Variants in PDE7A observed in about 807,000 individuals in gnomAD.
PDE7A encodes high affinity 3',5'-cyclic-AMP phosphodiesterase 7A.
In PDE7A, 39 loss-of-function variants were observed where a neutral mutation model predicts 64.3. The observed-to-expected ratio is 0.61, with a 90% CI of 0.47 to 0.79. PDE7A has a LOEUF of 0.79. Among genes scored for constraint, PDE7A ranks in the 30% least tolerant of loss-of-function variants. The pLI, the probability that PDE7A is intolerant of heterozygous loss-of-function variation, is 0.00. For synonymous variants in PDE7A, 203 were observed against 206.8 expected (o/e 0.98, Z 0.16); for missense variants, 470 against 582.8 (o/e 0.81, Z 1.99).
intron 3 of PDE7A, among the ~76,000 whole-genome samples, chr8:65,755,125 A>T (rs1296104017): frequency 2.1e-5 from 3 of 144,480 alleles, no homozygotes; most frequent in African/African-American, 7.7e-5. Context: ...GGTTCAAGTG[A>T]TTCTCCTGCC....
intron 3 of PDE7A, among the ~76,000 whole-genome samples, chr8:65,775,554 G>C (rs984301239): frequency 6.6e-6 from 1 of 152,156 alleles, no homozygotes; most frequent in African/African-American, 2.4e-5. Context: ...AGGTGGCCAG[G>C]CCTTTTTGTT....
chr8:65,747,830 T>C (rs369297418), intron 3 of PDE7A, 27 bp from the exon 4 acceptor site: 2 of 1,528,694 alleles, frequency 1.3e-6, no homozygotes, highest in Non-Finnish European at 1.8e-6. Flanking sequence ...AAAAGGTAAG[T>C]ATAGCAAGTT....
At chr8:65,839,491 AATGAT>A (rs1378455063) in intron 1 of PDE7A, among the ~76,000 whole-genome samples, 1 of 152,110 alleles carries the variant, frequency 6.6e-6, no homozygotes, top group Non-Finnish European at 1.5e-5. Context: ...AAGTCTTGAT[AATGAT>A]AAGTATGTCC....
chr8:65,764,914 G>C (rs754519415), intron 3 of PDE7A, among the ~76,000 whole-genome samples: 3 of 152,142 alleles, frequency 2.0e-5, no homozygotes, highest in Non-Finnish European at 4.4e-5. Context: ...CAACCAGCCT[G>C]AACTTGGTTA....
intron 10 of PDE7A, 78 bp from the exon 11 acceptor site, chr8:65,724,429 T>C: frequency 1.2e-6 from 1 of 846,104 alleles, no homozygotes; most frequent in Non-Finnish European, 1.9e-6. Context: ...GTGCAAGGAC[T>C]GGATTAACCA....
Position 65,717,880 on chromosome 8 carries a change from C to T in PDE7A, c.*1410G>A, listed in dbSNP as rs979516974. The T allele has an allele frequency of 3.3e-5, 5 of 152,040 alleles. No homozygotes were observed. In the East Asian group the frequency reaches 7.7e-4, roughly 23 times the overall value. 9.4% of individuals were successfully genotyped at this position (152,040 alleles called of 1,614,324 possible). Reference sequence around the variant, plus strand: ...ATACAAATGAACTAAAAGAAAGCACCGGTTTCTCTTAAAACTAGATTACAG... The same window carrying T: ...ATACAAATGAACTAAAAGAAAGCACTGGTTTCTCTTAAAACTAGATTACAG... On this transcript the variant is annotated 3_prime_UTR_variant, in exon 13 of 13. Transcript: ENST00000401827.
chr8:65,728,360 G>A (rs1428861442), intron 7 of PDE7A: 2 of 152,088 alleles, frequency 1.3e-5, no homozygotes, highest in African/African-American at 4.8e-5. Context: ...TTCTCTGCTA[G>A]AACGAATCAA....
At chr8:65,724,653 G>A (rs1204873622) in intron 10 of PDE7A, 124 bp downstream of exon 10, 12 of 838,062 alleles carry the variant, frequency 1.4e-5, no homozygotes, top group East Asian at 2.6e-5. Context: ...GCTAATTGAA[G>A]GAAATTCTTT....
At chr8:65,739,008 T>C (rs1160234851) in intron 6 of PDE7A, among the ~76,000 whole-genome samples, 2 of 152,206 alleles carry the variant, frequency 1.3e-5, no homozygotes, top group African/African-American at 2.4e-5. Flanking sequence ...CTGTGGCCAC[T>C]TGCTGCATGC....
At chr8:65,814,135 G>GA (rs1810322044) in intron 1 of PDE7A, among the ~76,000 whole-genome samples, 1 of 152,066 alleles carries the variant, frequency 6.6e-6, no homozygotes, top group South Asian at 2.1e-4. Context: ...ATGATTAAAT[G>GA]AAAATGACCT....
chr8:65,794,293 T>A (rs989376084), intron 1 of PDE7A, among the ~76,000 whole-genome samples: 2 of 152,096 alleles, frequency 1.3e-5, no homozygotes, highest in African/African-American at 4.8e-5. Flanking sequence ...GGCTCCTCAA[T>A]GGGACAGTGC....
intron 3 of PDE7A, among the ~76,000 whole-genome samples, chr8:65,750,921 A>G (rs1158804140): frequency 1.3e-5 from 2 of 152,236 alleles, no homozygotes; most frequent in Non-Finnish European, 2.9e-5. Flanking sequence ...TCACAAGGAA[A>G]TGATCACTCA....
Position 65,798,206 on chromosome 8 carries a change from A to ATATATAT in PDE7A, c.139-15364_139-15363insATATATA. The stretch of plus-strand genomic sequence containing the variant: ...TATATATATATATATATATATATAT[A>ATATATAT]TTTTTTTTTTTTTGAGATGGAGTCT... On this transcript the variant is annotated intron_variant, in intron 1 of 12. Coordinates refer to ENST00000401827, the MANE Select transcript of PDE7A (RefSeq NM_001242318.3). Among the ~76,000 whole-genome samples the ATATATAT allele has an allele frequency of 1.9e-3, 137 of 73,798 alleles. 2 individuals carry two copies. Among genetic ancestry groups the ATATATAT allele is most frequent in the African/African-American group, 3.0e-3 (51 of 17,148 alleles). The allele number at this position is 73,798 out of a possible 152,430, so 48.4% of individuals were successfully genotyped here. A position where few individuals can be genotyped will look rare whatever the true frequency, so the allele number is the denominator to read the frequency against.
At position 65,718,266 on chromosome 8, in the gene PDE7A, C is replaced by A. The variant is rs1365375548; in HGVS notation, c.*1024G>T. ...CATGGAGAAACATAACATGCACAGT[C>A]ACACATGCACAAACATGCACGCAAA... is the stretch of plus-strand genomic sequence containing the variant. On this transcript the variant is annotated 3_prime_UTR_variant, in exon 13 of 13. Transcript: ENST00000401827. 1 of 152,282 alleles carries A rather than the reference C, an allele frequency of 6.6e-6. No homozygotes were observed. The highest frequency in any genetic ancestry group is 1.5e-5 in the Non-Finnish European group (1 of 68,044). The allele number at this position is 152,282 out of a possible 1,614,324, so 9.4% of individuals were successfully genotyped here.
At chr8:65,757,422 C>A (rs982119294) in intron 3 of PDE7A, among the ~76,000 whole-genome samples, 10 of 152,128 alleles carry the variant, frequency 6.6e-5, no homozygotes, top group African/African-American at 2.4e-4. Context: ...AATAACTAGT[C>A]CAGTCCATCA....
intron 1 of PDE7A, among the ~76,000 whole-genome samples, chr8:65,785,614 T>C (rs1272642209): frequency 6.6e-6 from 1 of 152,122 alleles, no homozygotes; most frequent in African/African-American, 2.4e-5. Context: ...ATACCACCAA[T>C]CTAGGGGTAA....
intron 1 of PDE7A, among the ~76,000 whole-genome samples, chr8:65,822,186 T>A (rs1175447823): frequency 6.6e-6 from 1 of 152,130 alleles, no homozygotes; most frequent in Non-Finnish European, 1.5e-5. Flanking sequence ...CTTTGTAAAG[T>A]CTTTAAGGGG....
chr8:65,803,998 A>G (rs1810054964), intron 1 of PDE7A, among the ~76,000 whole-genome samples: 2 of 152,182 alleles, frequency 1.3e-5, no homozygotes, highest in African/African-American at 4.8e-5. Context: ...CATTCAGTAT[A>G]CCAACATATC....
At chr8:65,795,948 G>GAA (rs58027345) in intron 1 of PDE7A, among the ~76,000 whole-genome samples, 10 of 150,600 alleles carry the variant, frequency 6.6e-5, no homozygotes, top group Admixed American at 4.0e-4. Context: ...TGTACACAAT[G>GAA]AAAAAAAAGA....
Sources: allele counts gnomAD v4.1 joint callset (sites outside exome capture counted in the v4.1 genomes callset), GRCh38; gene constraint gnomAD v4.1.1; transcripts MANE v1.5; gene names NCBI Gene and HGNC (gene_info 2026-07-23, HGNC 2026-07-21).